CCNH: variants seen among roughly 807,000 people sequenced by gnomAD.
CCNH encodes cyclin H.
CCNH carries 31 observed loss-of-function variants against 41.9 expected under a neutral mutation model. That is an observed-to-expected ratio of 0.74 (90% CI 0.56 to 1.00). The LOEUF (loss-of-function observed/expected upper bound fraction) is 1.00, where lower values mean the gene tolerates loss of function less well. CCNH is among the 50% of genes least tolerant of loss of function. CCNH has a pLI of 0.00. For missense variants in CCNH, 362 were observed against 388.4 expected, an observed-to-expected ratio of 0.93 and a Z score of 0.57; for synonymous variants, 138 against 136.1, an observed-to-expected ratio of 1.01 and a Z score of -0.10.
intron 9 of CCNH, among the ~76,000 whole-genome samples, chr5:87,327,982 AG>A (rs1437997990): frequency 1.3e-5 from 2 of 150,984 alleles, no homozygotes; most frequent in African/African-American, 2.5e-5. Context: ...AAAAAAAAAA[AG>A]AGAGAGAACT....
intron 9 of CCNH, chr5:87,337,884 C>CT: frequency 1.5e-6 from 2 of 1,331,796 alleles, no homozygotes; most frequent in Admixed American, 5.1e-5. Context: ...CAATATAATA[C>CT]TATCCCTATC....
At chr5:87,404,769 TAC>T in intron 5 of CCNH, 73 bp downstream of exon 5, 1 of 1,161,150 alleles carries the variant, frequency 8.6e-7, no homozygotes, top group South Asian at 1.7e-5. Context: ...TATTAAAGAT[TAC>T]AGTCAGAAAT....
At chr5:87,389,796 T>G (rs1206517171), downstream of CCNH, among the ~76,000 whole-genome samples, 1 of 152,228 alleles carries the variant, frequency 6.6e-6, no homozygotes, top group Non-Finnish European at 1.5e-5. Context: ...GTAGCATGTG[T>G]GAAAATGGCT....
At chr5:87,332,719 C>T (rs1292539719) in intron 9 of CCNH, 3 of 1,368,570 alleles carry the variant, frequency 2.2e-6, no homozygotes, top group Non-Finnish European at 3.0e-6. Flanking sequence ...TGCTCAGTTT[C>T]TTATGTTTAT....
At chr5:87,348,802 A>C (rs1759048349) in intron 9 of CCNH, among the ~76,000 whole-genome samples, 1 of 148,448 alleles carries the variant, frequency 6.7e-6, no homozygotes. Context: ...TTGATTAAGC[A>C]CAGAGTATTC....
intron 9 of CCNH, among the ~76,000 whole-genome samples, chr5:87,364,009 C>G (rs1760316511): frequency 6.6e-6 from 1 of 152,020 alleles, no homozygotes; most frequent in South Asian, 2.1e-4. Flanking sequence ...AAGCTGAATC[C>G]TAAACATCAG....
intron 3 of CCNH, among the ~76,000 whole-genome samples, chr5:87,408,896 G>C (rs1764003529): frequency 6.6e-6 from 1 of 152,132 alleles, no homozygotes; most frequent in Non-Finnish European, 1.5e-5. Context: ...AGCAACAACA[G>C]ACCTTTGTTC....
chr5:87,338,501 T>TTATATATATATATATATATATATA (rs3069490), intron 9 of CCNH, among the ~76,000 whole-genome samples: 1 of 75,682 alleles, frequency 1.3e-5, no homozygotes, highest in African/African-American at 4.9e-5. Context: ...CCAGCTAATT[T>TTATATATATATATATATATATATA]TATATATATA....
chr5:87,376,363 A>G, exon 1 of CCNH: 1 of 1,612,096 alleles, frequency 6.2e-7, no homozygotes, highest in African/African-American at 1.3e-5. Flanking sequence ...TTCTCTTTTT[A>G]AACAATAATT....
chr5:87,404,793 T>C, intron 5 of CCNH, 51 bp downstream of exon 5: 4 of 1,367,924 alleles, frequency 2.9e-6, no homozygotes, highest in Non-Finnish European at 4.0e-6. Context: ...ATTCTATGAA[T>C]AAATAAACCC....
chr5:87,365,660 T>TA (rs1561313262), intron 9 of CCNH, among the ~76,000 whole-genome samples: 1 of 152,068 alleles, frequency 6.6e-6, no homozygotes, highest in African/African-American at 2.4e-5. Context: ...TAAGGGCAAT[T>TA]TAGTGACTAA....
intron 9 of CCNH, among the ~76,000 whole-genome samples, chr5:87,352,712 T>C (rs1759364367): frequency 6.6e-6 from 1 of 151,832 alleles, no homozygotes; most frequent in Non-Finnish European, 1.5e-5. Context: ...GTTTCTGATA[T>C]AAAACCAGTA....
At chr5:87,407,730 G>C (rs1179108339) in intron 4 of CCNH, among the ~76,000 whole-genome samples, 3 of 152,026 alleles carry the variant, frequency 2.0e-5, no homozygotes, top group Non-Finnish European at 4.4e-5. Flanking sequence ...ACTTAAATGA[G>C]ATTGCAGATC....
At chr5:87,376,313 T>C in exon 1 of CCNH, 1 of 1,520,540 alleles carries the variant, frequency 6.6e-7, no homozygotes, top group Non-Finnish European at 9.0e-7. Context: ...TAGGGAAGAC[T>C]GAACACCAGG....
At chr5:87,363,060 A>C (rs1760236511) in intron 9 of CCNH, among the ~76,000 whole-genome samples, 1 of 151,950 alleles carries the variant, frequency 6.6e-6, no homozygotes, top group Non-Finnish European at 1.5e-5. Flanking sequence ...AAGACTGTTA[A>C]AGAATTATTC....
At chr5:87,386,681 G>T, downstream of CCNH, 1 of 684,120 alleles carries the variant, frequency 1.5e-6, no homozygotes. Flanking sequence ...AAGAAGTATT[G>T]CTACATGTAT....
chr5:87,407,847 C>G (rs1763912979), intron 4 of CCNH, 129 bp downstream of exon 4: 1 of 648,358 alleles, frequency 1.5e-6, no homozygotes, highest in Non-Finnish European at 2.6e-6. Flanking sequence ...CCTAGATGAC[C>G]AGGCCAGACC....
intron 7 of CCNH, among the ~76,000 whole-genome samples, chr5:87,398,769 T>G (rs3093833): frequency 4.0e-5 from 6 of 151,866 alleles, no homozygotes; most frequent in Non-Finnish European, 5.9e-5. Flanking sequence ...GTCAGGAGAT[T>G]GAGACCATCC....
At chr5:87,383,615 A>G (rs901028569) in intron 9 of CCNH, 5 of 885,604 alleles carry the variant, frequency 5.6e-6, no homozygotes, top group Admixed American at 5.3e-5. Context: ...TATGGGTTCT[A>G]TGAGTACTAA....
Sources: gnomAD v4.1 joint callset for allele counts (sites outside exome capture counted in the v4.1 genomes callset) on GRCh38, gnomAD v4.1.1 for gene constraint, MANE v1.5 for transcripts, NCBI Gene and HGNC (gene_info 2026-07-23, HGNC 2026-07-21) for gene names.